Variants in SUPV3L1 observed in about 807,000 individuals in gnomAD.
SUPV3L1 encodes Suv3 like RNA helicase, also known as ATP-dependent RNA helicase SUPV3L1, mitochondrial.
In SUPV3L1, 35 loss-of-function variants were observed where a neutral mutation model predicts 70.0. The ratio of observed to expected loss-of-function variants is 0.50; its 90% confidence interval spans 0.38 to 0.66. SUPV3L1 has a LOEUF of 0.66. Among genes scored for constraint, SUPV3L1 ranks in the 30% least tolerant of loss-of-function variants. SUPV3L1 has a pLI of 0.00. For missense variants in SUPV3L1, 777 were observed against 961.5 expected, an observed-to-expected ratio of 0.81 and a Z score of 2.54; for synonymous variants, 364 against 341.9, an observed-to-expected ratio of 1.06 and a Z score of -0.71.
intron 3 of SUPV3L1, 118 bp from the exon 4 acceptor site, chr10:69,187,522 CTT>C (rs1486499122): frequency 3.1e-6 from 2 of 635,962 alleles, no homozygotes; most frequent in Non-Finnish European, 2.7e-6. Flanking sequence ...CCAGAGAGGA[CTT>C]TTCTTTTTAC....
rs1333289540 is a variant in SUPV3L1 at position 69,187,877 on chromosome 10, T to A, written c.572+121T>A. The A allele has an allele frequency of 4.6e-6, 3 of 650,244 alleles. No individual in the cohort carries two copies. In the Admixed American group the frequency reaches 1.0e-4, roughly 22 times the overall value. 40.3% of individuals were successfully genotyped at this position (650,244 alleles called of 1,614,324 possible). On this transcript the variant is annotated intron_variant, in intron 4 of 14. Transcript: ENST00000359655. ...TATAAGGAGTCTGGATTAGGTTGTTTTCCTAAAATAAAAAGAGGCAGTTAA... is the reference window on the plus strand; with the variant it reads ...TATAAGGAGTCTGGATTAGGTTGTTATCCTAAAATAAAAAGAGGCAGTTAA...
chr10:69,193,707 A>G (rs117529116), intron 6 of SUPV3L1, among the ~76,000 whole-genome samples: 1 of 152,200 alleles, frequency 6.6e-6, no homozygotes, highest in Non-Finnish European at 1.5e-5. Flanking sequence ...CACCATGTCC[A>G]GCCTCAATAA....
At chr10:69,207,727 T>C (rs1842867661) in intron 13 of SUPV3L1, 66 bp from the exon 14 acceptor site, 2 of 1,515,514 alleles carry the variant, frequency 1.3e-6, no homozygotes, top group African/African-American at 2.8e-5. Flanking sequence ...TTTTTTTCTC[T>C]TTCTAATTAT....
chr10:69,180,295 T>C lies in SUPV3L1; in HGVS notation c.4T>C (p.Ser2Pro). 1 of 1,613,248 alleles carries C rather than the reference T, an allele frequency of 6.2e-7. No individual in the cohort carries two copies. Among genetic ancestry groups the C allele is most frequent in the South Asian group, 1.1e-5 (1 of 91,030 alleles). M[S>P]FSRALLWARL... ...CAGTGTAGAACCTGCGGCCTCGATG[T>C]CCTTCTCCCGTGCCCTATTGTGGGC... The change falls in exon 1 of 15, where the codon TCC becomes CCC. Residue 2 changes from serine to proline, a missense_variant. Physicochemically the swap from Ser to Pro is moderately conservative, Grantham distance 74. Coordinates refer to ENST00000359655, the MANE Select transcript of SUPV3L1 (RefSeq NM_003171.5).
rs1842402963 is a variant in SUPV3L1 at position 69,191,697 on chromosome 10, G to C, written c.784G>C (p.Val262Leu). The C allele has an allele frequency of 6.2e-7, 1 of 1,614,130 alleles. No individual in the cohort carries two copies. The highest frequency in any genetic ancestry group is 1.3e-5 in the African/African-American group (1 of 75,030). The change falls in exon 6 of 15, where the codon GTT (valine) becomes CTT (leucine). Residue 262 changes from valine to leucine, a missense_variant. Transcript: ENST00000359655. The part of the protein sequence containing the change: ...DLVTGEERVT[V>L]QPNGKQASHV... Reference sequence around the variant, plus strand: ...GGTGACAGGTGAAGAGCGTGTGACAGTTCAGCCAAATGGGAAACAGGCTTC... The same window carrying C: ...GGTGACAGGTGAAGAGCGTGTGACACTTCAGCCAAATGGGAAACAGGCTTC...
At chr10:69,202,768 G>C in intron 12 of SUPV3L1, 99 bp from the exon 13 acceptor site, 5 of 1,291,530 alleles carry the variant, frequency 3.9e-6, no homozygotes, top group Non-Finnish European at 5.4e-6. Flanking sequence ...AGTTTGTTCT[G>C]GATTAAAGAG....
At chr10:69,182,062 A>G (rs74792851) in intron 1 of SUPV3L1, among the ~76,000 whole-genome samples, 7,429 of 150,268 alleles carry the variant, frequency 0.049, 426 homozygotes, top group African/African-American at 0.14. Context: ...TGGTATGATC[A>G]TAGCTCACTG....
At chr10:69,194,993 C>T (rs915481394) in intron 6 of SUPV3L1, among the ~76,000 whole-genome samples, 195 bp from the exon 7 acceptor site, 3 of 152,096 alleles carry the variant, frequency 2.0e-5, no homozygotes, top group African/African-American at 7.2e-5. Context: ...TACTTAACCT[C>T]ATAGATTTGT....
intron 6 of SUPV3L1, chr10:69,193,194 A>G (rs1040231853): frequency 1.3e-5 from 2 of 152,128 alleles, no homozygotes; most frequent in African/African-American, 4.8e-5. Context: ...CTTTGTTAAT[A>G]TTTGTGTTCA....
chr10:69,191,758 C>A lies in SUPV3L1; in HGVS notation c.845C>A (p.Thr282Lys). Residue 282 changes from threonine to lysine, a missense_variant, in exon 6 of 15, where the codon ACA becomes AAA. By Grantham distance (78) the Thr-to-Lys change is moderately conservative (BLOSUM62 -1). Coordinates refer to ENST00000359655, the MANE Select transcript of SUPV3L1 (RefSeq NM_003171.5). ...VSCTVEMCSV[T>K]TPYEVAVIDE... ...TGTACAGTTGAGATGTGCAGTGTTA[C>A]AACTCCTTGTATGTATATGCTGTTT... 6.2e-7 allele frequency: 1 copy of A among 1,610,844 alleles called. No individual in the cohort carries two copies. The highest frequency in any genetic ancestry group is 1.1e-5 in the South Asian group (1 of 91,020).
At chr10:69,206,639 A>G (rs938026868) in intron 13 of SUPV3L1, among the ~76,000 whole-genome samples, 3 of 152,202 alleles carry the variant, frequency 2.0e-5, no homozygotes, top group Non-Finnish European at 4.4e-5. Flanking sequence ...CCAAAGCCAC[A>G]CAGCTCGCAG....
At chr10:69,188,885 A>T (rs1278683025) in intron 4 of SUPV3L1, among the ~76,000 whole-genome samples, 1 of 152,142 alleles carries the variant, frequency 6.6e-6, no homozygotes, top group African/African-American at 2.4e-5. Context: ...ATATTTGTGT[A>T]TGTTGGAATT....
At chr10:69,205,395 G>C (rs1261674464) in intron 13 of SUPV3L1, among the ~76,000 whole-genome samples, 1 of 152,158 alleles carries the variant, frequency 6.6e-6, no homozygotes, top group African/African-American at 2.4e-5. Flanking sequence ...GTTTTCTTAA[G>C]ATAAGGTCTC....
intron 13 of SUPV3L1, among the ~76,000 whole-genome samples, chr10:69,206,581 T>C (rs1299354305): frequency 1.3e-5 from 2 of 152,204 alleles, no homozygotes; most frequent in Non-Finnish European, 2.9e-5. Context: ...AGGGCTGTGA[T>C]GTCTCACGTT....
intron 5 of SUPV3L1, 128 bp from the exon 6 acceptor site, chr10:69,191,527 G>A (rs768016620): frequency 6.8e-5 from 50 of 731,772 alleles, no homozygotes; most frequent in Middle Eastern, 7.4e-4. Flanking sequence ...GTGTCTGGCC[G>A]TGGGAACATT....
At position 69,191,286 on chromosome 10, in the gene SUPV3L1, A is replaced by C. The variant is rs543169152; in HGVS notation, c.742-369A>C. Among the ~76,000 whole-genome samples, 159 of 143,114 alleles carry C rather than the reference A, an allele frequency of 1.1e-3. 1 individual carries two copies. Among genetic ancestry groups the C allele is most frequent in the African/African-American group, 3.8e-3 (145 of 38,638 alleles). 93.9% of individuals were successfully genotyped at this position (143,114 alleles called of 152,430 possible). A position where few individuals can be genotyped will look rare whatever the true frequency, so the allele number is the denominator to read the frequency against. Reference sequence around the variant, plus strand: ...TTGCTCTGTCTCCAGGCTGGAGTGCAGTGGCATGATCTCGGCTCACTGAAC... The same window carrying C: ...TTGCTCTGTCTCCAGGCTGGAGTGCCGTGGCATGATCTCGGCTCACTGAAC... On this transcript the variant is annotated intron_variant, in intron 5 of 14. Coordinates refer to ENST00000359655, the MANE Select transcript of SUPV3L1 (RefSeq NM_003171.5).
Position 69,180,427 on chromosome 10 carries a change from G to A in SUPV3L1, c.136G>A (p.Ala46Thr). The change falls in exon 1 of 15, where the codon GCC (alanine) becomes ACC (threonine). Residue 46 changes from alanine to threonine, a missense_variant. Around this residue, in one of 2 missense-constraint regions of SUPV3L1, gnomAD observed 158 missense variants for 138.3 expected, o/e 1.14. Transcript: ENST00000359655. ...GGTTCTGGGGCAAGTTTCTGTCCTT[G>A]CCACCGCCTCCTCCTCTGCCTCCGG... is the stretch of plus-strand genomic sequence containing the variant. The part of the protein sequence containing the change: ...PGVLGQVSVL[A>T]TASSSASGGS... 6.2e-7 allele frequency: 1 copy of A among 1,614,246 alleles called. No individual in the cohort carries two copies. The highest frequency in any genetic ancestry group is 8.5e-7 in the Non-Finnish European group (1 of 1,180,050).
At chr10:69,200,136 T>C in intron 10 of SUPV3L1, 144 bp from the exon 11 acceptor site, 1 of 660,482 alleles carries the variant, frequency 1.5e-6, no homozygotes, top group Non-Finnish European at 2.5e-6. Context: ...TGTGAGCCAC[T>C]GTGCCAGACT....
At position 69,209,050 on chromosome 10, in the gene SUPV3L1, T is replaced by G; in HGVS notation, c.*15T>G. On this transcript the variant is annotated 3_prime_UTR_variant, in exon 15 of 15. Transcript: ENST00000359655. ...ATTCGGACTAGTTTTCTGTTCCTGT[T>G]TTTTTTTTTTTATTTAATTTTGCAA... The G allele has an allele frequency of 7.8e-7, 1 of 1,289,930 alleles. No homozygotes were observed. The highest frequency in any genetic ancestry group is 1.4e-5 in the South Asian group (1 of 68,998). 79.9% of individuals were successfully genotyped at this position (1,289,930 alleles called of 1,614,324 possible). A position where few individuals can be genotyped will look rare whatever the true frequency, so the allele number is the denominator to read the frequency against.
Sources: gnomAD v4.1 joint callset for allele counts (sites outside exome capture counted in the v4.1 genomes callset) on GRCh38, gnomAD v4.1.1 for gene constraint, gnomAD v4.1.1 regional missense constraint, MANE v1.5 for transcripts, NCBI Gene and HGNC (gene_info 2026-07-23, HGNC 2026-07-21) for gene names.